DTNA: variants seen among roughly 807,000 people sequenced by gnomAD.
The protein encoded by DTNA is dystrophin-related protein 3.
DTNA carries 43 observed loss-of-function variants against 100.7 expected under a neutral mutation model. The ratio of observed to expected loss-of-function variants is 0.43; its 90% confidence interval spans 0.33 to 0.55. DTNA has a LOEUF of 0.55. DTNA is among the 20% of genes least tolerant of loss of function. The probability of loss-of-function intolerance (pLI) is 0.04; values close to 1 mark genes in which losing one functional copy is unlikely to be tolerated. For missense variants in DTNA, 798 were observed against 953.9 expected, an observed-to-expected ratio of 0.84 and a Z score of 2.15; for synonymous variants, 349 against 347.9, an observed-to-expected ratio of 1.00 and a Z score of -0.04.
intron 16 of DTNA, among the ~76,000 whole-genome samples, chr18:34,861,009 T>C (rs2096617612): frequency 6.6e-6 from 1 of 152,118 alleles, no homozygotes; most frequent in African/African-American, 2.4e-5. Context: ...TAAGGAGAAA[T>C]TTTTTCTTAG....
At chr18:34,670,402 G>A (rs2076579155) in intron 1 of DTNA, among the ~76,000 whole-genome samples, 1 of 152,166 alleles carries the variant, frequency 6.6e-6, no homozygotes, top group Non-Finnish European at 1.5e-5. Context: ...TTGATCGTCT[G>A]AAGCCTTCTT....
At chr18:34,623,786 T>G (rs1342741186) in intron 1 of DTNA, among the ~76,000 whole-genome samples, 1 of 152,214 alleles carries the variant, frequency 6.6e-6, no homozygotes, top group East Asian at 1.9e-4. Flanking sequence ...GCATCATGTA[T>G]AGCAAGAAAT....
At chr18:34,530,214 G>A (rs1418915082) in intron 1 of DTNA, among the ~76,000 whole-genome samples, 1 of 152,100 alleles carries the variant, frequency 6.6e-6, no homozygotes, top group Non-Finnish European at 1.5e-5. Flanking sequence ...TTCCCAAACT[G>A]AGGATTTAAA....
upstream of DTNA, chr18:34,708,075 T>A (rs2082336416): frequency 6.6e-6 from 1 of 152,234 alleles, no homozygotes; most frequent in Non-Finnish European, 1.5e-5. Context: ...ATTGTTTTTT[T>A]CTACCACAGG....
rs531696255 is a variant in DTNA, at chr18:34,768,146, G to A, written c.148+2105G>A. ...TGATTGTCCCACGTTCTTATCATGT[G>A]TTACCACTACAATGGCCTCAGAATT... On this transcript the variant is annotated intron_variant, in intron 3 of 22. Coordinates refer to ENST00000444659, the MANE Select transcript of DTNA (RefSeq NM_001386795.1). Among the ~76,000 whole-genome samples the A allele has an allele frequency of 1.1e-4, 16 of 152,272 alleles. No homozygotes were observed. In the East Asian group the frequency reaches 2.9e-3, roughly 28 times the overall value.
Position 34,786,311 on chromosome 18 carries a change from T to G in DTNA, c.149-7726T>G, listed in dbSNP as rs187465524. On this transcript the variant is annotated intron_variant, in intron 3 of 22. Coordinates refer to ENST00000444659, the MANE Select transcript of DTNA (RefSeq NM_001386795.1). ...ATATGAAAGAACATAATATGGCACT[T>G]CAAACCCGGTGTGTAAACTAATCAG... Among the ~76,000 whole-genome samples, 185 of 152,316 alleles carry G rather than the reference T, an allele frequency of 1.2e-3. 1 individual carries two copies. The highest frequency in any genetic ancestry group is 4.3e-3 in the African/African-American group (180 of 41,576).
chr18:34,815,690 G>A (rs2095580978), intron 6 of DTNA: 2 of 510,878 alleles, frequency 3.9e-6, no homozygotes, highest in Admixed American at 6.3e-5. Flanking sequence ...CTCAGCCTCA[G>A]TGGAGAGAAT....
intron 4 of DTNA, among the ~76,000 whole-genome samples, chr18:34,801,513 C>CTTTT (rs555362184): frequency 1.4e-5 from 2 of 140,402 alleles, no homozygotes; most frequent in African/African-American, 2.6e-5. Context: ...AATAAAATAA[C>CTTTT]TTTTTTTTTT....
chr18:34,821,797 G>A lies in DTNA; in HGVS notation c.1001+882G>A, dbSNP rs972683116. Among the ~76,000 whole-genome samples the A allele has an allele frequency of 4.6e-5, 7 of 152,250 alleles. 1 individual carries two copies. The South Asian group carries it at 1.5e-3, about 32-fold the overall frequency. On this transcript the variant is annotated intron_variant, in intron 9 of 22. Transcript: ENST00000444659. ...GTTTGCATGTTGACATCAAGAGGTG[G>A]GTGACGGGACCTACCGGTATAGGAA...
At chr18:34,813,537 T>C (rs1463745684) in intron 6 of DTNA, among the ~76,000 whole-genome samples, 1 of 151,802 alleles carries the variant, frequency 6.6e-6, no homozygotes, top group Non-Finnish European at 1.5e-5. Context: ...GGAAGTCTTT[T>C]CTTTTTACTG....
intron 1 of DTNA, among the ~76,000 whole-genome samples, chr18:34,531,349 C>G (rs1347553387): frequency 6.6e-6 from 1 of 152,110 alleles, no homozygotes; most frequent in Non-Finnish European, 1.5e-5. Context: ...TTCCTTATCT[C>G]TCTCATAGAT....
At chr18:34,756,841 A>G (rs899999534) in intron 2 of DTNA, among the ~76,000 whole-genome samples, 1 of 152,186 alleles carries the variant, frequency 6.6e-6, no homozygotes, top group Non-Finnish European at 1.5e-5. Flanking sequence ...TTATAAAGGA[A>G]AAAGCATGGT....
intron 1 of DTNA, among the ~76,000 whole-genome samples, chr18:34,748,735 A>G (rs2091964425): frequency 6.6e-6 from 1 of 152,148 alleles, no homozygotes; most frequent in Non-Finnish European, 1.5e-5. Context: ...GAGGTCGGGT[A>G]ATGTGATACC....
chr18:34,820,458 C>T (rs868347849), intron 8 of DTNA, among the ~76,000 whole-genome samples: 29 of 152,282 alleles, frequency 1.9e-4, no homozygotes, highest in Middle Eastern at 3.4e-3. Context: ...AGAAGGGCTC[C>T]CTTCACTGTT....
chr18:34,505,202 A>G (rs1011198289), intron 1 of DTNA, among the ~76,000 whole-genome samples: 1 of 152,166 alleles, frequency 6.6e-6, no homozygotes, highest in African/African-American at 2.4e-5. Flanking sequence ...AGGCACCTGT[A>G]TTCTTTGACT....
intron 11 of DTNA, among the ~76,000 whole-genome samples, chr18:34,831,819 A>G (rs1229965669): frequency 6.6e-6 from 1 of 152,202 alleles, no homozygotes; most frequent in Non-Finnish European, 1.5e-5. Flanking sequence ...CTATAGGGAG[A>G]GTGCACCCAC....
chr18:34,574,787 A>G (rs892650492), intron 1 of DTNA, among the ~76,000 whole-genome samples: 1 of 152,134 alleles, frequency 6.6e-6, no homozygotes, highest in African/African-American at 2.4e-5. Context: ...ACAAGCCACT[A>G]TGCTCAGCTG....
At chr18:34,658,406 G>A (rs112343167) in intron 1 of DTNA, among the ~76,000 whole-genome samples, 12 of 152,274 alleles carry the variant, frequency 7.9e-5, no homozygotes, top group African/African-American at 1.2e-4. Flanking sequence ...AGGCTGGAGC[G>A]CAGTGGCGTG....
chr18:34,721,280 T>C (rs2146956404), intron 1 of DTNA, among the ~76,000 whole-genome samples: 2 of 152,326 alleles, frequency 1.3e-5, no homozygotes, highest in African/African-American at 4.8e-5. Context: ...AATAAAGAAC[T>C]CTTACATTTA....
Sources: allele counts gnomAD v4.1 joint callset (sites outside exome capture counted in the v4.1 genomes callset), GRCh38; gene constraint gnomAD v4.1.1; transcripts MANE v1.5; gene names NCBI Gene and HGNC (gene_info 2026-07-23, HGNC 2026-07-21).